Variants in AXDND1 observed in about 807,000 individuals in gnomAD.
AXDND1 encodes axonemal dynein light chain domain-containing protein 1.
In AXDND1, 110 loss-of-function variants were observed where a neutral mutation model predicts 137.5. That is an observed-to-expected ratio of 0.80 (90% CI 0.69 to 0.94). The LOEUF (loss-of-function observed/expected upper bound fraction) is 0.94, where lower values mean the gene tolerates loss of function less well. Among genes scored for constraint, AXDND1 ranks in the 40% least tolerant of loss-of-function variants. The probability of loss-of-function intolerance (pLI) is 0.00; values close to 1 mark genes in which losing one functional copy is unlikely to be tolerated. For missense variants in AXDND1, 1,191 were observed against 1,169.8 expected (o/e 1.02, Z -0.26); for synonymous variants, 414 against 399.7 (o/e 1.04, Z -0.43).
At chr1:179,505,279 T>G (rs1489958278) in intron 20 of AXDND1, among the ~76,000 whole-genome samples, 1 of 147,168 alleles carries the variant, frequency 6.8e-6, no homozygotes, top group African/African-American at 2.5e-5. Context: ...TTGGATGACA[T>G]TAGTGAGAGT....
chr1:179,440,748 C>G (rs551319319), intron 15 of AXDND1, among the ~76,000 whole-genome samples: 1 of 152,136 alleles, frequency 6.6e-6, no homozygotes, highest in Non-Finnish European at 1.5e-5. Context: ...TGCACGAGAG[C>G]GAATAACTTG....
intron 2 of AXDND1, among the ~76,000 whole-genome samples, chr1:179,367,808 T>G (rs1354619843): frequency 1.3e-5 from 2 of 152,186 alleles, no homozygotes; most frequent in Non-Finnish European, 2.9e-5. Flanking sequence ...ATGTGCCAAT[T>G]TGTATTAGCT....
At chr1:179,423,773 A>G (rs1238036838) in intron 12 of AXDND1, among the ~76,000 whole-genome samples, 3 of 152,180 alleles carry the variant, frequency 2.0e-5, no homozygotes, top group Non-Finnish European at 4.4e-5. Context: ...AGTTATTTGC[A>G]TTTACATATT....
At chr1:179,366,690 A>G in intron 2 of AXDND1, 84 bp downstream of exon 2, 1 of 1,113,388 alleles carries the variant, frequency 9.0e-7, no homozygotes, top group East Asian at 2.4e-5. Flanking sequence ...TTTAAATCTG[A>G]TATTCAGAAT....
chr1:179,374,449 A>G (rs964081074), intron 4 of AXDND1, among the ~76,000 whole-genome samples: 1 of 152,202 alleles, frequency 6.6e-6, no homozygotes, highest in Non-Finnish European at 1.5e-5. Context: ...TAGAAATACC[A>G]CTTGACCCAG....
In AXDND1 at chr1:179,456,787, C is replaced by T. The variant is rs1661470748; in HGVS notation, c.1798+11583C>T. The T allele has an allele frequency of 3.8e-6, 3 of 786,174 alleles. No homozygotes were observed. In the East Asian group the frequency reaches 7.3e-5, roughly 19 times the overall value. 48.7% of individuals were successfully genotyped at this position (786,174 alleles called of 1,614,324 possible). A position where few individuals can be genotyped will look rare whatever the true frequency, so the allele number is the denominator to read the frequency against. ...TGGCTGGATGAAGCCCTAGCCATCT[C>T]TTGGTCTGACAGGGCTTTCCTAACT... is the stretch of plus-strand genomic sequence containing the variant. On this transcript the variant is annotated intron_variant, in intron 16 of 25. Transcript: ENST00000367618.
intron 25 of AXDND1, 111 bp downstream of exon 25, chr1:179,535,073 GT>G: frequency 6.7e-7 from 1 of 1,486,872 alleles, no homozygotes; most frequent in East Asian, 2.3e-5. Flanking sequence ...TAATCTACTA[GT>G]TTATACTTCT....
Position 179,447,109 on chromosome 1 carries a change from A to G in AXDND1, c.1798+1905A>G, listed in dbSNP as rs149859624. ...TACTTTGAAATATACTTCATCTACAATGTTGCTAACTATAGTCACCCTTCT... is the reference window on the plus strand; with the variant it reads ...TACTTTGAAATATACTTCATCTACAGTGTTGCTAACTATAGTCACCCTTCT... On this transcript the variant is annotated intron_variant, in intron 16 of 25. Coordinates refer to ENST00000367618, the MANE Select transcript of AXDND1 (RefSeq NM_144696.6). 5.3e-3 allele frequency among the ~76,000 whole-genome samples: 804 copies of G among 152,250 alleles called. 8 individuals are homozygous for G. Among genetic ancestry groups the G allele is most frequent in the African/African-American group, 0.019 (778 of 41,540 alleles).
intron 15 of AXDND1, among the ~76,000 whole-genome samples, chr1:179,437,095 A>C (rs1392670649): frequency 6.6e-6 from 1 of 151,716 alleles, no homozygotes; most frequent in Non-Finnish European, 1.5e-5. Context: ...AAAGGAAAGA[A>C]ATTAGGAAAA....
intron 16 of AXDND1, chr1:179,452,715 A>G (rs1402418698): frequency 4.9e-5 from 7 of 144,126 alleles, no homozygotes; most frequent in Admixed American, 6.7e-5. Context: ...AAAAAAAAAA[A>G]AAAAAAGAAA....
chr1:179,512,618 A>T (rs1420275579), intron 21 of AXDND1, among the ~76,000 whole-genome samples: 1 of 151,954 alleles, frequency 6.6e-6, no homozygotes, highest in Non-Finnish European at 1.5e-5. Context: ...TGGTGTTCTG[A>T]TGGGGATTGC....
intron 16 of AXDND1, among the ~76,000 whole-genome samples, chr1:179,464,181 C>T (rs1437900519): frequency 2.6e-5 from 4 of 152,146 alleles, no homozygotes; most frequent in Non-Finnish European, 4.4e-5. Flanking sequence ...TTATTTTGCT[C>T]GTTAGTTGAT....
At chr1:179,546,793 C>T (rs753252430) in intron 25 of AXDND1, among the ~76,000 whole-genome samples, 1 of 152,144 alleles carries the variant, frequency 6.6e-6, no homozygotes, top group South Asian at 2.1e-4. Flanking sequence ...GACAGTCCCC[C>T]TCAACCACCA....
At chr1:179,528,273 T>A in intron 22 of AXDND1, 54 bp from the exon 23 acceptor site, 1 of 1,319,734 alleles carries the variant, frequency 7.6e-7, no homozygotes, top group Non-Finnish European at 1.1e-6. Flanking sequence ...GCCAGGAAAC[T>A]TGCTGGGGTG....
chr1:179,400,522 G>T (rs1033692174), intron 11 of AXDND1, among the ~76,000 whole-genome samples: 1 of 149,500 alleles, frequency 6.7e-6, no homozygotes, highest in Non-Finnish European at 1.5e-5. Context: ...CACCACTAAA[G>T]AACTTACTCA....
chr1:179,426,061 TC>T (rs1462000608), intron 12 of AXDND1, among the ~76,000 whole-genome samples: 2 of 152,036 alleles, frequency 1.3e-5, no homozygotes, highest in South Asian at 4.2e-4. Flanking sequence ...GGTCTCAAAC[TC>T]CCGACCTTGT....
chr1:179,395,480 G>C (rs1427254081), intron 11 of AXDND1, among the ~76,000 whole-genome samples: 1 of 152,132 alleles, frequency 6.6e-6, no homozygotes, highest in Admixed American at 6.5e-5. Context: ...AAAGGGTAAA[G>C]AAACAGTGAG....
chr1:179,537,248 C>T lies in AXDND1; in HGVS notation c.3031+2286C>T, dbSNP rs190841462. Among the ~76,000 whole-genome samples the T allele has an allele frequency of 1.2e-4, 18 of 152,198 alleles. No individual in the cohort carries two copies. In the East Asian group the frequency reaches 1.5e-3, roughly 13 times the overall value. ...CTGGCCAGAACTTCCAACACTATGT[C>T]GAATAGGAGTGGTGAGAAAGGGCAT... On this transcript the variant is annotated intron_variant, in intron 25 of 25. Transcript: ENST00000367618.
intron 11 of AXDND1, among the ~76,000 whole-genome samples, chr1:179,398,544 C>T (rs147657611): frequency 1.5e-4 from 23 of 152,290 alleles, no homozygotes; most frequent in Admixed American, 1.2e-3. Context: ...GGGGTGCCTG[C>T]TTCCATGTGG....
Sources: gnomAD v4.1 joint callset for allele counts (sites outside exome capture counted in the v4.1 genomes callset) on GRCh38, gnomAD v4.1.1 for gene constraint, MANE v1.5 for transcripts, NCBI Gene and HGNC (gene_info 2026-07-23, HGNC 2026-07-21) for gene names.